The following SCHIP1 variants were observed in gnomAD, a reference collection of about 807,000 sequenced individuals.
SCHIP1 encodes schwannomin interacting protein 1, also known as schwannomin-interacting protein 1.
A neutral mutation model predicts 29.7 loss-of-function variants in SCHIP1; 8 were observed. That is an observed-to-expected ratio of 0.27 (90% CI 0.16 to 0.49). The LOEUF (loss-of-function observed/expected upper bound fraction) is 0.49. Among genes scored for constraint, SCHIP1 ranks in the 20% least tolerant of loss-of-function variants. The pLI is 0.99. For synonymous variants in SCHIP1, 76 were observed against 94.9 expected, an observed-to-expected ratio of 0.80 and a Z score of 1.16; for missense variants, 193 against 294.6, an observed-to-expected ratio of 0.66 and a Z score of 2.52.
chr3:159,497,265 T>C, the SCHIP1 span, among the ~76,000 whole-genome samples: 1 of 151,648 alleles, frequency 6.6e-6, no homozygotes. Flanking sequence ...AAAAAAAGAC[T>C]GAGTCAGACT....
At chr3:159,836,687 A>G (rs1199440581), upstream of SCHIP1, among the ~76,000 whole-genome samples, 1 of 152,174 alleles carries the variant, frequency 6.6e-6, no homozygotes, top group East Asian at 1.9e-4. Flanking sequence ...TTGAAACTCA[A>G]TACTTTTTAT....
the SCHIP1 span, among the ~76,000 whole-genome samples, chr3:159,662,439 T>C: frequency 6.6e-6 from 1 of 152,152 alleles, no homozygotes; most frequent in Admixed American, 6.5e-5. Context: ...ACAATTTAAT[T>C]CCTATGAACC....
At chr3:159,541,253 T>C in the SCHIP1 span, among the ~76,000 whole-genome samples, 1 of 152,008 alleles carries the variant, frequency 6.6e-6, no homozygotes, top group Non-Finnish European at 1.5e-5. Flanking sequence ...AGCAAGCCCA[T>C]TCAGAAAACG....
At chr3:159,428,855 G>A in the SCHIP1 span, among the ~76,000 whole-genome samples, 48 of 152,122 alleles carry the variant, frequency 3.2e-4, no homozygotes, top group Admixed American at 3.1e-3. Flanking sequence ...ACCATGGAAT[G>A]CTATGCAGCC....
chr3:159,655,616 G>A, the SCHIP1 span, among the ~76,000 whole-genome samples: 3 of 152,158 alleles, frequency 2.0e-5, no homozygotes, highest in African/African-American at 7.2e-5. Context: ...CAGGCCGAGC[G>A]TGGTGGCTCA....
chr3:159,711,466 C>T, the SCHIP1 span, among the ~76,000 whole-genome samples: 1 of 149,830 alleles, frequency 6.7e-6, no homozygotes. Flanking sequence ...AACTCAAATG[C>T]CTACCGAGTG....
At chr3:159,787,564 C>G in the SCHIP1 span, among the ~76,000 whole-genome samples, 3 of 152,208 alleles carry the variant, frequency 2.0e-5, no homozygotes, top group Non-Finnish European at 4.4e-5. Flanking sequence ...GCAATTCCAT[C>G]TGCTATATGA....
the SCHIP1 span, among the ~76,000 whole-genome samples, chr3:159,730,097 A>G: frequency 8.5e-5 from 13 of 152,190 alleles, no homozygotes; most frequent in Non-Finnish European, 1.8e-4. Context: ...ATGTTTCCTT[A>G]TTTGTACATA....
chr3:159,456,779 T>C, the SCHIP1 span, among the ~76,000 whole-genome samples: 3 of 152,200 alleles, frequency 2.0e-5, no homozygotes, highest in East Asian at 1.9e-4. Flanking sequence ...GACCTGACTT[T>C]AGAAGTATCA....
At chr3:159,657,074 A>G in the SCHIP1 span, among the ~76,000 whole-genome samples, 6 of 152,302 alleles carry the variant, frequency 3.9e-5, no homozygotes, top group Middle Eastern at 3.4e-3. Context: ...TAGAAGCATA[A>G]TGGTTTCCCC....
At chr3:159,618,841 G>A in the SCHIP1 span, among the ~76,000 whole-genome samples, 2 of 152,224 alleles carry the variant, frequency 1.3e-5, no homozygotes, top group African/African-American at 2.4e-5. Context: ...GGGAGTGTGG[G>A]GGCCTGCTCC....
At chr3:159,610,526 A>G in the SCHIP1 span, among the ~76,000 whole-genome samples, 3 of 152,178 alleles carry the variant, frequency 2.0e-5, no homozygotes, top group Admixed American at 1.3e-4. Flanking sequence ...AGACCCTTGC[A>G]GTGGAAGTCT....
the SCHIP1 span, among the ~76,000 whole-genome samples, chr3:159,486,497 G>A: frequency 8.9e-4 from 136 of 152,170 alleles, 1 homozygote; most frequent in Middle Eastern, 0.01. Flanking sequence ...TATTTCACTG[G>A]TAATAGGAAA....
At chr3:159,689,222 A>G in the SCHIP1 span, among the ~76,000 whole-genome samples, 75 of 152,328 alleles carry the variant, frequency 4.9e-4, no homozygotes, top group African/African-American at 1.7e-3. Flanking sequence ...GATTTTTCCT[A>G]TTCATGAACA....
At chr3:159,826,056 T>A in the SCHIP1 span, among the ~76,000 whole-genome samples, 1 of 152,242 alleles carries the variant, frequency 6.6e-6, no homozygotes, top group Middle Eastern at 3.4e-3. Context: ...TAATGCTGGA[T>A]AACAGCATTA....
chr3:159,438,613 C>G, the SCHIP1 span, among the ~76,000 whole-genome samples: 17 of 152,056 alleles, frequency 1.1e-4, no homozygotes, highest in Admixed American at 1.0e-3. Flanking sequence ...CATCCATTAG[C>G]TATTCTTCCT....
At chr3:159,503,472 C>A in the SCHIP1 span, among the ~76,000 whole-genome samples, 1 of 152,076 alleles carries the variant, frequency 6.6e-6, no homozygotes, top group African/African-American at 2.4e-5. Flanking sequence ...ATGTACATAT[C>A]CCTCTGGCAA....
chr3:159,395,998 G>T, the SCHIP1 span, among the ~76,000 whole-genome samples: 1 of 151,900 alleles, frequency 6.6e-6, no homozygotes, highest in Non-Finnish European at 1.5e-5. Flanking sequence ...ATGTATCTGG[G>T]TGCTCCTGTG....
At chr3:159,726,685 A>G in the SCHIP1 span, among the ~76,000 whole-genome samples, 14 of 152,174 alleles carry the variant, frequency 9.2e-5, no homozygotes, top group African/African-American at 3.4e-4. Context: ...GGGAACAGTA[A>G]ATGGCTAACC....
Sources: allele counts gnomAD v4.1 joint callset (sites outside exome capture counted in the v4.1 genomes callset), GRCh38; gene constraint gnomAD v4.1.1; transcripts MANE v1.5; gene names NCBI Gene and HGNC (gene_info 2026-07-23, HGNC 2026-07-21).